The following TMPRSS9 variants were observed in gnomAD, a reference collection of about 807,000 sequenced individuals.
The protein encoded by TMPRSS9 is transmembrane protease serine 9.
Under a neutral mutation model 111.4 loss-of-function variants are expected in TMPRSS9, and 113 were observed. The observed-to-expected ratio is 1.01, with a 90% CI of 0.87 to 1.19. TMPRSS9 has a LOEUF of 1.19. TMPRSS9 is among the 50% of genes most tolerant of loss of function. The pLI is 0.00. For missense variants in TMPRSS9, 1,803 were observed against 1,513.1 expected (o/e 1.19, Z -3.18); for synonymous variants, 805 against 659.1 (o/e 1.22, Z -3.39).
upstream of TMPRSS9, among the ~76,000 whole-genome samples, chr19:2,385,383 T>A (rs1318054860): frequency 6.6e-6 from 1 of 152,048 alleles, no homozygotes; most frequent in Non-Finnish European, 1.5e-5. Flanking sequence ...GGAAAATGGG[T>A]GGATCCCCTG....
rs1971474605 is a variant in TMPRSS9 at position 2,421,985 on chromosome 19, G to C, written c.2286G>C (p.Lys762Asn). 1.9e-6 allele frequency: 3 copies of C among 1,613,166 alleles called. No individual in the cohort carries two copies. In the Middle Eastern group the frequency reaches 5.0e-4, roughly 266 times the overall value. Residue 762 changes from lysine (K) to asparagine (N), a missense_variant, in exon 14 of 18, where the codon AAG becomes AAC. Physicochemically the swap from Lys to Asn is moderately conservative, Grantham distance 94 (BLOSUM62 0). Coordinates refer to ENST00000648592, the Ensembl canonical transcript of TMPRSS9. Reference sequence around the variant, plus strand: ...TGTACACGCGCATCACCAGGCTAAAGGGCTGGATCCTGGAGATCATGTCCT... The same window carrying C: ...TGTACACGCGCATCACCAGGCTAAACGGCTGGATCCTGGAGATCATGTCCT...
chr19:2,424,672 G>A (rs1391690394), intron 15 of TMPRSS9, among the ~76,000 whole-genome samples: 1 of 152,254 alleles, frequency 6.6e-6, no homozygotes, highest in East Asian at 1.9e-4. Flanking sequence ...CCCAAGCCCT[G>A]GCAGTCGAGG....
At chr19:2,389,412 C>T (rs1034687789), upstream of TMPRSS9, among the ~76,000 whole-genome samples, 8 of 146,820 alleles carry the variant, frequency 5.4e-5, no homozygotes, top group South Asian at 2.2e-4. Context: ...CTCTGTCACC[C>T]GGGCTGGAGT....
intron 15 of TMPRSS9, among the ~76,000 whole-genome samples, chr19:2,424,534 G>GC (rs879741232): frequency 0.03 from 3,967 of 134,068 alleles, 119 homozygotes; most frequent in African/African-American, 0.069. Context: ...GGAAGCTGCG[G>GC]CCCCCCCCCT....
intron 8 of TMPRSS9, among the ~76,000 whole-genome samples, chr19:2,409,556 G>A (rs1971052242): frequency 6.6e-6 from 1 of 152,094 alleles, no homozygotes; most frequent in African/African-American, 2.4e-5. Context: ...CAAGATGACT[G>A]ACAGAGGGAA....
chr19:2,416,907 A>G (rs780643789), intron 12 of TMPRSS9, 98 bp downstream of exon 13: 16 of 1,407,386 alleles, frequency 1.1e-5, no homozygotes, highest in East Asian at 2.4e-5. Context: ...CCCTAAACCA[A>G]TTCCACTGCA....
upstream of TMPRSS9, among the ~76,000 whole-genome samples, chr19:2,387,033 C>T (rs1970491468): frequency 1.3e-5 from 2 of 151,880 alleles, no homozygotes; most frequent in Admixed American, 6.6e-5. Context: ...CCAGCCTGGG[C>T]AATGTAGCAA....
chr19:2,425,941 AC>A lies in TMPRSS9; in HGVS notation c.3139del (p.Leu1047TrpfsTer12). On this transcript the variant is annotated frameshift_variant, in exon 18 of 18. Transcript: ENST00000648592. LOFTEE classifies it low-confidence loss of function (END_TRUNC). ...CTCCCCAACAGGGTGACGCTGGGGG[AC>A]CCCTGGCCTGCAGGGAGCCCTCTGG... The A allele has an allele frequency of 6.3e-7, 1 of 1,595,684 alleles. No homozygotes were observed. Among genetic ancestry groups the A allele is most frequent in the Non-Finnish European group, 8.5e-7 (1 of 1,174,090 alleles).
intron 1 of TMPRSS9, among the ~76,000 whole-genome samples, chr19:2,363,793 T>TGTGTGTGTGCGTGCGCGC (rs1209430086): frequency 7.6e-6 from 1 of 132,074 alleles, no homozygotes; most frequent in East Asian, 2.5e-4. Context: ...TGTGTGAGTG[T>TGTGTGTGTGCGTGCGCGC]GTGTGTGTGT....
At chr19:2,379,761 TTCTC>T (rs1970372020) in intron 1 of TMPRSS9, among the ~76,000 whole-genome samples, 1 of 136,578 alleles carries the variant, frequency 7.3e-6, no homozygotes, top group African/African-American at 3.6e-5. Context: ...ATTCTCTCTT[TTCTC>T]TCTTTCTTTC....
chr19:2,368,775 T>G (rs1478876621), intron 1 of TMPRSS9, among the ~76,000 whole-genome samples: 1 of 69,270 alleles, frequency 1.4e-5, no homozygotes, highest in African/African-American at 1.0e-4. Flanking sequence ...ATAAACCCAG[T>G]TTTTTTTTTT....
At chr19:2,374,163 A>G (rs1040554748) in intron 1 of TMPRSS9, among the ~76,000 whole-genome samples, 2 of 146,010 alleles carry the variant, frequency 1.4e-5, no homozygotes, top group Admixed American at 1.4e-4. Context: ...AGCACCAAAG[A>G]TTCCTTTTTC....
intron 9 of TMPRSS9, among the ~76,000 whole-genome samples, chr19:2,411,860 T>C (rs1971103123): frequency 6.6e-6 from 1 of 152,168 alleles, no homozygotes; most frequent in African/African-American, 2.4e-5. Context: ...CCGACAATTA[T>C]AATTTTTGTT....
chr19:2,377,953 T>C (rs939766774), intron 1 of TMPRSS9, among the ~76,000 whole-genome samples: 3 of 151,282 alleles, frequency 2.0e-5, no homozygotes, highest in Admixed American at 6.6e-5. Context: ...TCACTGCAGC[T>C]TCGATCTCCT....
At chr19:2,415,443 G>C (rs1254737643) in intron 10 of TMPRSS9, among the ~76,000 whole-genome samples, 3 of 152,052 alleles carry the variant, frequency 2.0e-5, no homozygotes, top group Non-Finnish European at 1.5e-5. Flanking sequence ...CTGGGCCGCT[G>C]TATGTTTCTT....
At chr19:2,424,184 C>A in exon 15 of TMPRSS9, 5 of 1,461,146 alleles carry the variant, frequency 3.4e-6, no homozygotes, top group South Asian at 2.8e-5. Flanking sequence ...GTGGCTGCGG[C>A]GCCGGGAACA....
At chr19:2,423,334 C>T (rs1245066154) in intron 14 of TMPRSS9, among the ~76,000 whole-genome samples, 6 of 151,870 alleles carry the variant, frequency 4.0e-5, no homozygotes, top group East Asian at 1.9e-4. Context: ...ACAGCGGCTG[C>T]GGCTGCTGTC....
intron 1 of TMPRSS9, among the ~76,000 whole-genome samples, chr19:2,371,247 G>A (rs2891697): frequency 0.18 from 28,006 of 152,108 alleles, 3,986 homozygotes; most frequent in African/African-American, 0.39. Flanking sequence ...GTTCACAGTC[G>A]CTCACTCGTT....
At chr19:2,426,188 T>C in exon 18 of TMPRSS9, 1 of 945,504 alleles carries the variant, frequency 1.1e-6, no homozygotes. Context: ...AGGACGGGTG[T>C]GGGGGGGCTG....
Sources: allele counts gnomAD v4.1 joint callset (sites outside exome capture counted in the v4.1 genomes callset), GRCh38; gene constraint gnomAD v4.1.1; transcripts MANE v1.5; gene names NCBI Gene and HGNC (gene_info 2026-07-23, HGNC 2026-07-21).